The following TTC28 variants were observed in gnomAD, a reference collection of about 807,000 sequenced individuals.
The protein encoded by TTC28 is tetratricopeptide repeat protein 28.
In TTC28, 61 loss-of-function variants were observed where a neutral mutation model predicts 198.0. The ratio of observed to expected loss-of-function variants is 0.31; its 90% CI spans 0.25 to 0.38. TTC28 has a LOEUF of 0.38. Among genes scored for constraint, TTC28 ranks in the 10% least tolerant of loss-of-function variants. TTC28 has a pLI of 1.00. For synonymous variants in TTC28, 1,171 were observed against 1,297.8 expected (o/e 0.90, Z 2.10); for missense variants, 2,678 against 3,164.0 (o/e 0.85, Z 3.69).
At position 28,470,871 on chromosome 22, in the gene TTC28, G is replaced by A. The variant is rs73882763; in HGVS notation, c.381+158681C>T. 6.2e-3 allele frequency among the ~76,000 whole-genome samples: 951 copies of A among 152,230 alleles called. 10 individuals are homozygous for A. Among genetic ancestry groups the A allele is most frequent in the African/African-American group, 0.022 (909 of 41,538 alleles). On this transcript the variant is annotated intron_variant, in intron 2 of 22. Transcript: ENST00000397906. ...TGAGTACTAAGAGAAGGTTAGACTCGAAATGTGGAGATGACTCGAAATGTG... is the reference window on the plus strand; with the variant it reads ...TGAGTACTAAGAGAAGGTTAGACTCAAAATGTGGAGATGACTCGAAATGTG...
At chr22:28,489,136 T>C (rs2048344854) in intron 2 of TTC28, among the ~76,000 whole-genome samples, 1 of 151,848 alleles carries the variant, frequency 6.6e-6, no homozygotes, top group Non-Finnish European at 1.5e-5. Context: ...ATTTAAAAAT[T>C]AGCTGGGCAC....
At chr22:28,206,992 T>G (rs1926462461) in intron 5 of TTC28, among the ~76,000 whole-genome samples, 1 of 152,116 alleles carries the variant, frequency 6.6e-6, no homozygotes, top group South Asian at 2.1e-4. Context: ...AGTAATTCAT[T>G]CCAACATTTC....
chr22:28,519,872 A>C (rs1399892776), intron 2 of TTC28, among the ~76,000 whole-genome samples: 1 of 152,236 alleles, frequency 6.6e-6, no homozygotes, highest in Non-Finnish European at 1.5e-5. Context: ...TTGGCTGAAT[A>C]ACACACACAA....
chr22:28,018,005 T>C (rs1038312102), intron 13 of TTC28, among the ~76,000 whole-genome samples: 1 of 152,182 alleles, frequency 6.6e-6, no homozygotes. Flanking sequence ...CTGTGCCCCA[T>C]CAGCACTTGC....
In TTC28 at chr22:27,980,415, C is replaced by CTGT. The variant is rs1292247164; in HGVS notation, c.*1803_*1805dup. The CTGT allele has an allele frequency of 6.6e-6, 1 of 152,196 alleles. No individual in the cohort carries two copies. Among genetic ancestry groups the CTGT allele is most frequent in the East Asian group, 1.9e-4 (1 of 5,202 alleles). 9.4% of individuals were successfully genotyped at this position (152,196 alleles called of 1,614,324 possible). A position where few individuals can be genotyped will look rare whatever the true frequency, so the allele number is the denominator to read the frequency against. ...TTATTGTTGGCTTTTGTCAACATGG[C>CTGT]TGTTGGTTAAATTAAAAACCCCTAG... On this transcript the variant is annotated 3_prime_UTR_variant, in exon 23 of 23. Transcript: ENST00000397906.
intron 8 of TTC28, 33 bp from the exon 9 acceptor site, chr22:28,101,313 A>G (rs978867048): frequency 3.3e-6 from 5 of 1,499,956 alleles, no homozygotes; most frequent in Non-Finnish European, 4.5e-6. Flanking sequence ...AAGGAAACAT[A>G]GAAGATGGAT....
chr22:28,304,157 C>T (rs1337359661), intron 3 of TTC28, among the ~76,000 whole-genome samples: 1 of 151,940 alleles, frequency 6.6e-6, no homozygotes, highest in Non-Finnish European at 1.5e-5. Flanking sequence ...TGGTGGCGGG[C>T]GCCTGTAGTC....
At chr22:28,258,092 C>A (rs544607002) in intron 5 of TTC28, among the ~76,000 whole-genome samples, 5 of 152,108 alleles carry the variant, frequency 3.3e-5, no homozygotes, top group African/African-American at 9.6e-5. Context: ...TATAAACATA[C>A]TATAGTTGGG....
intron 2 of TTC28, among the ~76,000 whole-genome samples, chr22:28,571,439 C>T (rs895160198): frequency 2.0e-5 from 3 of 152,086 alleles, no homozygotes; most frequent in African/African-American, 7.2e-5. Context: ...ATTTACTTTG[C>T]TCTCAAATCA....
intron 5 of TTC28, among the ~76,000 whole-genome samples, chr22:28,219,842 A>T (rs574806598): frequency 1.3e-5 from 2 of 152,364 alleles, no homozygotes; most frequent in South Asian, 4.1e-4. Context: ...GAAGTGTCTC[A>T]GTTTCAAAAG....
chr22:28,206,001 A>T (rs1926374125), intron 5 of TTC28, among the ~76,000 whole-genome samples: 1 of 152,008 alleles, frequency 6.6e-6, no homozygotes, highest in Non-Finnish European at 1.5e-5. Flanking sequence ...GTCAAAAAAA[A>T]AAAAAAGGAG....
At chr22:28,410,546 G>T (rs923230915) in intron 2 of TTC28, among the ~76,000 whole-genome samples, 8 of 152,178 alleles carry the variant, frequency 5.3e-5, no homozygotes, top group African/African-American at 1.4e-4. Flanking sequence ...GATTGTATTC[G>T]TGTGAGAGAG....
intron 13 of TTC28, among the ~76,000 whole-genome samples, chr22:28,025,226 C>A (rs533236945): frequency 1.3e-5 from 2 of 152,216 alleles, no homozygotes; most frequent in African/African-American, 4.8e-5. Flanking sequence ...CAGAAAAGAG[C>A]CTTTGGTGCC....
intron 5 of TTC28, among the ~76,000 whole-genome samples, chr22:28,243,370 A>G (rs1929827796): frequency 6.6e-6 from 1 of 150,556 alleles, no homozygotes; most frequent in African/African-American, 2.4e-5. Context: ...ACAAAACAAA[A>G]CAAAACAAAA....
At chr22:28,322,644 T>TG (rs2045466471) in intron 2 of TTC28, among the ~76,000 whole-genome samples, 1 of 152,224 alleles carries the variant, frequency 6.6e-6, no homozygotes, top group Admixed American at 6.5e-5. Context: ...AGCCCTATTC[T>TG]GGCACTGAAA....
At chr22:28,100,727 G>T (rs1436715422) in intron 9 of TTC28, among the ~76,000 whole-genome samples, 1 of 152,106 alleles carries the variant, frequency 6.6e-6, no homozygotes, top group Non-Finnish European at 1.5e-5. Flanking sequence ...CCTATAACTC[G>T]AGGGATCTTT....
intron 2 of TTC28, among the ~76,000 whole-genome samples, chr22:28,515,535 T>C (rs1309830566): frequency 6.6e-6 from 1 of 152,164 alleles, no homozygotes; most frequent in Non-Finnish European, 1.5e-5. Flanking sequence ...GTTTAGCAAA[T>C]AGCAGAGCTC....
rs565105020 is a variant in TTC28 at position 27,992,608 on chromosome 22, C to A, written c.5532G>T (p.Thr1844=). The A allele has an allele frequency of 5.7e-5, 88 of 1,551,604 alleles. No individual in the cohort carries two copies. The South Asian group carries it at 1.0e-3, about 18-fold the overall frequency. The change falls in exon 19 of 23, where the codon ACG becomes ACT. Residue 1844 remains threonine, a synonymous_variant. Transcript: ENST00000397906. ...TTACCCGGCTGATGAGCTGCTCGCC[C>A]GTCTCGGAGGCAGTGATGAGTTTGC... The part of the protein sequence containing the change: ...ALCKLITASE[T]GEQLISRAVK...
At chr22:28,434,586 C>T (rs370771741) in intron 2 of TTC28, among the ~76,000 whole-genome samples, 12 of 152,270 alleles carry the variant, frequency 7.9e-5, no homozygotes, top group Admixed American at 2.0e-4. Context: ...AAAGACTCAA[C>T]GCCTACCAAA....
Sources: allele counts gnomAD v4.1 joint callset (sites outside exome capture counted in the v4.1 genomes callset), GRCh38; gene constraint gnomAD v4.1.1; transcripts MANE v1.5; gene names NCBI Gene and HGNC (gene_info 2026-07-23, HGNC 2026-07-21).